CELF2: variants seen among roughly 807,000 people sequenced by gnomAD.
The protein encoded by CELF2 is CUG triplet repeat RNA-binding protein 2.
CELF2 carries 8 observed loss-of-function variants against 62.6 expected under a neutral mutation model. The ratio of observed to expected loss-of-function variants is 0.13; its 90% CI spans 0.07 to 0.23. The LOEUF (loss-of-function observed/expected upper bound fraction) is 0.23, where lower values mean the gene tolerates loss of function less well. Among genes scored for constraint, CELF2 ranks in the 10% least tolerant of loss-of-function variants. CELF2 has a pLI of 1.00. For synonymous variants in CELF2, 258 were observed against 250.0 expected (o/e 1.03, Z -0.30); for missense variants, 333 against 671.0 (o/e 0.50, Z 5.56).
chr10:10,606,250 C>T, the CELF2 span, among the ~76,000 whole-genome samples: 13 of 152,192 alleles, frequency 8.5e-5, no homozygotes, highest in South Asian at 1.0e-3. Flanking sequence ...CTCAAAAAAA[C>T]GTGATTGAGG....
At chr10:11,278,237 C>G (rs1249316719) in intron 8 of CELF2, among the ~76,000 whole-genome samples, 2 of 152,186 alleles carry the variant, frequency 1.3e-5, no homozygotes, top group Non-Finnish European at 2.9e-5. Context: ...CTAAAAATAA[C>G]TTCAAGTGTG....
chr10:10,534,214 T>TAAAA, the CELF2 span, among the ~76,000 whole-genome samples: 4 of 134,320 alleles, frequency 3.0e-5, no homozygotes, highest in African/African-American at 1.1e-4. Flanking sequence ...GAGGAGTTGT[T>TAAAA]AAAAAAAAAA....
At chr10:11,146,376 C>T (rs1318641632) in intron 1 of CELF2, among the ~76,000 whole-genome samples, 1 of 152,196 alleles carries the variant, frequency 6.6e-6, no homozygotes, top group Non-Finnish European at 1.5e-5. Context: ...TATCTCTACA[C>T]GTATCTTAAA....
rs573468614 is a variant in CELF2 at position 10,900,803 on chromosome 10, A to T, written c.54-19161A>T. Among the ~76,000 whole-genome samples the T allele has an allele frequency of 2.0e-5, 3 of 152,358 alleles. No homozygotes were observed. In the East Asian group the frequency reaches 5.8e-4, roughly 29 times the overall value. The stretch of plus-strand genomic sequence containing the variant: ...ATTAAACTGTCTTTCTGCAGACAGC[A>T]TGATTGTCGATGTAGAAAATTGAAT... On this transcript the variant is annotated intron_variant, in intron 1 of 13. Transcript: ENST00000636488.
chr10:11,138,820 C>T (rs920579966), intron 1 of CELF2, among the ~76,000 whole-genome samples: 1 of 152,034 alleles, frequency 6.6e-6, no homozygotes, highest in Admixed American at 6.5e-5. Context: ...AAGATGGAAC[C>T]TTGGGTGCTG....
chr10:10,714,797 G>A, the CELF2 span, among the ~76,000 whole-genome samples: 1 of 151,902 alleles, frequency 6.6e-6, no homozygotes, highest in Non-Finnish European at 1.5e-5. Flanking sequence ...AAATAATTAT[G>A]TTAGCTAAGT....
the CELF2 span, among the ~76,000 whole-genome samples, chr10:10,756,470 A>G: frequency 4.0e-3 from 603 of 152,308 alleles, no homozygotes; most frequent in Middle Eastern, 6.8e-3. Flanking sequence ...CACTTTTTCT[A>G]AAATAAAACT....
chr10:10,971,926 T>C (rs1319350003), intron 2 of CELF2, among the ~76,000 whole-genome samples: 6 of 152,198 alleles, frequency 3.9e-5, no homozygotes, highest in Admixed American at 1.3e-4. Flanking sequence ...TTTGTTTTTA[T>C]TGAGATATAA....
At chr10:10,480,405 C>A in the CELF2 span, among the ~76,000 whole-genome samples, 116 of 152,256 alleles carry the variant, frequency 7.6e-4, no homozygotes, top group African/African-American at 2.6e-3. Flanking sequence ...ACGCAGCTAC[C>A]CATAGCCCAA....
At chr10:11,041,072 G>A (rs989306023) in intron 1 of CELF2, among the ~76,000 whole-genome samples, 1 of 152,222 alleles carries the variant, frequency 6.6e-6, no homozygotes, top group Non-Finnish European at 1.5e-5. Context: ...GGTTCTTGGT[G>A]AGGGCTCTCT....
At chr10:11,295,343 T>G (rs2093042528) in intron 9 of CELF2, among the ~76,000 whole-genome samples, 1 of 152,240 alleles carries the variant, frequency 6.6e-6, no homozygotes, top group South Asian at 2.1e-4. Context: ...AGCATCAGCT[T>G]TTAAGAAAAG....
chr10:10,528,908 G>A, the CELF2 span, among the ~76,000 whole-genome samples: 1 of 152,294 alleles, frequency 6.6e-6, no homozygotes, highest in African/African-American at 2.4e-5. Flanking sequence ...TCATAGCACA[G>A]CCAAGAATGG....
intron 1 of CELF2, among the ~76,000 whole-genome samples, chr10:10,842,270 T>A (rs554877338): frequency 6.6e-6 from 1 of 152,074 alleles, no homozygotes; most frequent in Non-Finnish European, 1.5e-5. Context: ...CCAATCTGTA[T>A]AGCTTTTACT....
chr10:10,477,327 C>G, the CELF2 span, among the ~76,000 whole-genome samples: 1 of 152,176 alleles, frequency 6.6e-6, no homozygotes, highest in African/African-American at 2.4e-5. Flanking sequence ...ACTGAGAATA[C>G]AATTCTGCCC....
chr10:10,796,869 T>C (rs1590427568), upstream of CELF2: 9 of 984,868 alleles, frequency 9.1e-6, no homozygotes, highest in East Asian at 2.3e-4. Flanking sequence ...AGGAAGAAGC[T>C]TGAAGTCCCA....
chr10:10,813,787 T>G lies in CELF2; in HGVS notation c.53+14970T>G, dbSNP rs182226492. ...TACAAAAACAGGTGTTGGGCTGGAT[T>G]TGGGCCATGGGCCGTGGTTTGCTAA... On this transcript the variant is annotated intron_variant, in intron 1 of 13. Transcript: ENST00000636488. Among the ~76,000 whole-genome samples, 247 of 152,336 alleles carry G rather than the reference T, an allele frequency of 1.6e-3. 1 individual carries two copies. Among genetic ancestry groups the G allele is most frequent in the African/African-American group, 5.6e-3 (233 of 41,574 alleles).
chr10:10,986,835 C>T (rs1049280667), intron 2 of CELF2, among the ~76,000 whole-genome samples: 13 of 152,228 alleles, frequency 8.5e-5, no homozygotes, highest in African/African-American at 1.2e-4. Context: ...CAAGGTCACG[C>T]GTTCTTACCA....
chr10:11,293,188 A>G (rs1375329844), intron 9 of CELF2, among the ~76,000 whole-genome samples: 1 of 152,174 alleles, frequency 6.6e-6, no homozygotes, highest in East Asian at 1.9e-4. Context: ...TACCTAGAAC[A>G]TCTCCCCCAT....
the CELF2 span, among the ~76,000 whole-genome samples, chr10:10,546,096 A>G: frequency 2.0e-5 from 3 of 152,312 alleles, no homozygotes; most frequent in East Asian, 5.8e-4. Context: ...CTTAAAAAAA[A>G]TTATTCCTAT....
Sources: gnomAD v4.1 joint callset for allele counts (sites outside exome capture counted in the v4.1 genomes callset) on GRCh38, gnomAD v4.1.1 for gene constraint, MANE v1.5 for transcripts, NCBI Gene and HGNC (gene_info 2026-07-23, HGNC 2026-07-21) for gene names.